Variants in MX1 observed in about 807,000 individuals in gnomAD.
The protein encoded by MX1 is interferon-induced GTP-binding protein Mx1.
MX1 carries 66 observed loss-of-function variants against 66.4 expected under a neutral mutation model. That is an observed-to-expected ratio of 0.99 (90% CI 0.82 to 1.22). MX1 has a LOEUF of 1.22. Among genes scored for constraint, MX1 ranks in the 50% most tolerant of loss-of-function variants. The probability of loss-of-function intolerance (pLI) is 0.00; values close to 1 mark genes in which losing one functional copy is unlikely to be tolerated. For synonymous variants in MX1, 311 were observed against 318.1 expected, an observed-to-expected ratio of 0.98 and a Z score of 0.24; for missense variants, 787 against 834.3, an observed-to-expected ratio of 0.94 and a Z score of 0.70.
Position 41,458,914 on chromosome 21 carries a change from G to A in MX1, c.*156G>A, listed in dbSNP as rs1035194387. The A allele has an allele frequency of 5.8e-6, 8 of 1,367,558 alleles. No individual in the cohort carries two copies. The African/African-American group carries it at 8.8e-5, about 15-fold the overall frequency. 84.7% of individuals were successfully genotyped at this position (1,367,558 alleles called of 1,614,324 possible). On this transcript the variant is annotated 3_prime_UTR_variant, in exon 17 of 17. Coordinates refer to ENST00000398598, the MANE Select transcript of MX1 (RefSeq NM_002462.5). ...GGTGATTTAGCAGGAAGCTGTGAGA[G>A]CAGTTTGGTTTCTAGCATGAAGACA...
rs2090503144 is a variant in MX1 at position 41,441,242 on chromosome 21, G to A, written c.730+217G>A. The A allele has an allele frequency of 1.6e-5, 10 of 629,982 alleles. No individual in the cohort carries two copies. Among genetic ancestry groups the A allele is most frequent in the Admixed American group, 6.7e-5 (2 of 29,694 alleles). The allele number at this position is 629,982 out of a possible 1,614,324, so 39.0% of individuals were successfully genotyped here. A position where few individuals can be genotyped will look rare whatever the true frequency, so the allele number is the denominator to read the frequency against. On this transcript the variant is annotated intron_variant, in intron 9 of 16. Coordinates refer to ENST00000398598, the MANE Select transcript of MX1 (RefSeq NM_002462.5). This position sits in a 1 kb window ranked among gnomAD's most constrained non-coding sequence, Gnocchi z 4.0. ...CTCAGTGGGGACCTGCCTCCACTAA[G>A]ACCTGCTAAGGGAGCAGGTTTGGTG...
intron 7 of MX1, among the ~76,000 whole-genome samples, chr21:41,439,487 T>C (rs1449223010): frequency 2.0e-5 from 3 of 152,224 alleles, no homozygotes; most frequent in African/African-American, 4.8e-5. Context: ...AAGGTCTCTC[T>C]ACACACAGTG....
intron 15 of MX1, among the ~76,000 whole-genome samples, chr21:41,451,826 C>A (rs1475064883): frequency 7.6e-6 from 1 of 132,116 alleles, no homozygotes; most frequent in East Asian, 2.1e-4. Context: ...TGGAGCGAGA[C>A]CCCGTCTCAA....
chr21:41,443,600 C>T, intron 10 of MX1, 188 bp from the exon 11 acceptor site: 1 of 621,784 alleles, frequency 1.6e-6, no homozygotes, highest in South Asian at 1.9e-5. Flanking sequence ...TGGAAATATC[C>T]TAGATTGCTA....
rs2090510666 is a variant in MX1 at position 41,441,512 on chromosome 21, G to A, written c.731-204G>A. ...TGGGGAGAGCCACATGCTGTTCTGG[G>A]AGGCATCCCTGCCTTCACGCGGCTT... On this transcript the variant is annotated intron_variant, in intron 9 of 16. Transcript: ENST00000398598. This position sits in a 1 kb window ranked among gnomAD's most constrained non-coding sequence, Gnocchi z 4.0. The A allele has an allele frequency of 1.7e-6, 1 of 603,062 alleles. No homozygotes were observed. The highest frequency in any genetic ancestry group is 1.9e-5 in the African/African-American group (1 of 53,970). 37.4% of individuals were successfully genotyped at this position (603,062 alleles called of 1,614,324 possible). A position where few individuals can be genotyped will look rare whatever the true frequency, so the allele number is the denominator to read the frequency against.
chr21:41,446,053 T>C lies in MX1; in HGVS notation c.1185T>C (p.Thr395=), dbSNP rs75157475. Reference sequence around the variant, plus strand: ...CTGCTCTCATGCAAGGAGAGGAAACTGTAGGGGAGGAAGACATTCGGCTGT... The same window carrying C: ...CTGCTCTCATGCAAGGAGAGGAAACCGTAGGGGAGGAAGACATTCGGCTGT... ...DITALMQGEE[T]VGEEDIRLFT... is the part of the protein sequence containing the mutation. Residue 395 remains threonine, a synonymous_variant, in exon 13 of 17, where the codon ACT becomes ACC. Transcript: ENST00000398598. 3.8e-5 allele frequency: 62 copies of C among 1,614,046 alleles called. No individual in the cohort carries two copies. The East Asian group carries it at 7.8e-4, about 20-fold the overall frequency.
chr21:41,437,246 C>A, intron 7 of MX1, 94 bp downstream of exon 7: 1 of 1,410,926 alleles, frequency 7.1e-7, no homozygotes, highest in Non-Finnish European at 9.8e-7. Flanking sequence ...TGGGCCTGTG[C>A]TGTCAGGACA....
intron 6 of MX1, 35 bp from the exon 7 acceptor site, chr21:41,436,980 C>A: frequency 6.2e-7 from 1 of 1,610,424 alleles, no homozygotes; most frequent in Non-Finnish European, 8.5e-7. Context: ...CTTTTAAGAG[C>A]AAAGTGGAGC....
intron 15 of MX1, among the ~76,000 whole-genome samples, chr21:41,451,754 G>T (rs1601534756): frequency 6.7e-6 from 1 of 150,070 alleles, no homozygotes; most frequent in South Asian, 2.1e-4. Flanking sequence ...AGAATTGATT[G>T]AGCCCAGGAG....
At chr21:41,455,562 G>A (rs1454662874) in intron 16 of MX1, among the ~76,000 whole-genome samples, 1 of 152,200 alleles carries the variant, frequency 6.6e-6, no homozygotes, top group East Asian at 1.9e-4. Flanking sequence ...GTTCATTTCT[G>A]TCCTCCGAGG....
upstream of MX1, chr21:41,422,955 G>C (rs765807611): frequency 2.0e-5 from 3 of 152,232 alleles, no homozygotes; most frequent in Admixed American, 1.3e-4. Flanking sequence ...GTTACCGAGC[G>C]GTCCTTGTTT....
chr21:41,433,205 AATG>A, intron 5 of MX1, among the ~76,000 whole-genome samples: 1 of 152,332 alleles, frequency 6.6e-6, no homozygotes, highest in East Asian at 1.9e-4. Flanking sequence ...CTGAAATGCA[AATG>A]ACCAGCCCCT....
intron 7 of MX1, 64 bp downstream of exon 7, chr21:41,437,216 T>C: frequency 6.3e-7 from 1 of 1,579,658 alleles, no homozygotes; most frequent in East Asian, 2.2e-5. Flanking sequence ...TGTTTGTAAC[T>C]GTTCATACTC....
intron 4 of MX1, chr21:41,431,710 A>C: frequency 4.8e-6 from 1 of 208,520 alleles, no homozygotes. Flanking sequence ...TCCTGACCTC[A>C]TGATCTACCT....
Position 41,435,975 on chromosome 21 carries a change from G to C in MX1, c.244G>C (p.Gly82Arg). 6.2e-7 allele frequency: 1 copy of C among 1,614,208 alleles called. No individual in the cohort carries two copies. The highest frequency in any genetic ancestry group is 1.1e-5 in the South Asian group (1 of 91,084). The change falls in exon 6 of 17, where the codon GGC becomes CGC. Residue 82 changes from glycine (G) to arginine (R), a missense_variant. Coordinates refer to ENST00000398598, the MANE Select transcript of MX1 (RefSeq NM_002462.5). ...AIAVIGDQSS[G>R]KSSVLEALSG... Reference sequence around the variant, plus strand: ...CGCCGTCATCGGGGACCAGAGCTCGGGCAAGAGCTCCGTGTTGGAGGCACT... The same window carrying C: ...CGCCGTCATCGGGGACCAGAGCTCGCGCAAGAGCTCCGTGTTGGAGGCACT...
chr21:41,447,216 G>A (rs935005571), intron 13 of MX1, among the ~76,000 whole-genome samples: 5 of 152,206 alleles, frequency 3.3e-5, no homozygotes, highest in African/African-American at 9.7e-5. Flanking sequence ...GGGTCCTCAT[G>A]TGGTTGTCCC....
chr21:41,425,759 G>T (rs971398383), upstream of MX1, among the ~76,000 whole-genome samples: 2 of 152,164 alleles, frequency 1.3e-5, no homozygotes, highest in Non-Finnish European at 2.9e-5. Flanking sequence ...GGGTGTGCCT[G>T]GTTAGGGGTG....
chr21:41,423,509 A>T (rs2090014229), upstream of MX1, among the ~76,000 whole-genome samples: 1 of 152,124 alleles, frequency 6.6e-6, no homozygotes, highest in Non-Finnish European at 1.5e-5. Flanking sequence ...TTGCCTAATT[A>T]GTATTTTAGT....
rs537433829 is a variant in MX1, at chr21:41,459,150, C to T, written c.*392C>T. 1.6e-5 allele frequency: 4 copies of T among 245,746 alleles called. No homozygotes were observed. The highest frequency in any genetic ancestry group is 1.6e-4 in the South Asian group (2 of 12,856). 15.2% of individuals were successfully genotyped at this position (245,746 alleles called of 1,614,324 possible). ...CCCAGTGTTTTAGGAGCATGAGTGC[C>T]GTGTGTGTGCGTCCTGTCGGAGCCC... On this transcript the variant is annotated 3_prime_UTR_variant, in exon 17 of 17. Transcript: ENST00000398598.
Sources: allele counts gnomAD v4.1 joint callset (sites outside exome capture counted in the v4.1 genomes callset), GRCh38; gene constraint gnomAD v4.1.1; non-coding constraint Gnocchi (gnomAD v3.1); transcripts MANE v1.5; gene names NCBI Gene and HGNC (gene_info 2026-07-23, HGNC 2026-07-21).